The following AFF2 variants were observed in gnomAD, a reference collection of about 807,000 sequenced individuals.
AFF2 encodes ALF transcription elongation factor 2, also known as AF4/FMR2 family member 2.
A neutral mutation model predicts 76.9 loss-of-function variants in AFF2; 14 were observed. That is an observed-to-expected ratio of 0.18 (90% confidence interval 0.12 to 0.28). AFF2 has a LOEUF of 0.28. Among genes scored for constraint, AFF2 ranks in the 10% least tolerant of loss-of-function variants. The pLI is 1.00. For synonymous variants in AFF2, 398 were observed against 366.7 expected, an observed-to-expected ratio of 1.09 and a Z score of -0.98; for missense variants, 868 against 1,001.1, an observed-to-expected ratio of 0.87 and a Z score of 1.79.
chrX:148,560,635 C>T (rs2053101436), intron 1 of AFF2, among the ~76,000 whole-genome samples: 1 of 111,508 alleles, frequency 9.0e-6, no homozygotes, highest in African/African-American at 3.3e-5. Context: ...ATCTATTCAT[C>T]TAACAAACAG....
intron 3 of AFF2, among the ~76,000 whole-genome samples, chrX:148,687,428 A>G (rs1384407433): frequency 2.7e-5 from 3 of 111,877 alleles, no homozygotes; most frequent in Non-Finnish European, 5.6e-5. Flanking sequence ...GTACATATCA[A>G]TGTGTTGATT....
At chrX:148,590,571 A>G (rs1263750304) in intron 1 of AFF2, among the ~76,000 whole-genome samples, 5 of 112,025 alleles carry the variant, frequency 4.5e-5, no homozygotes, top group Non-Finnish European at 9.4e-5. Context: ...ACAAACCCCA[A>G]TGTTGCCTCA....
At chrX:148,925,298 A>G (rs2071638680) in intron 9 of AFF2, among the ~76,000 whole-genome samples, 1 of 112,926 alleles carries the variant, frequency 8.9e-6, no homozygotes, top group African/African-American at 3.2e-5. Flanking sequence ...AATTTTAAAG[A>G]CCAGAAAATA....
chrX:148,801,010 A>G (rs2070051272), intron 3 of AFF2, among the ~76,000 whole-genome samples: 1 of 111,842 alleles, frequency 8.9e-6, no homozygotes, highest in African/African-American at 3.2e-5. Context: ...AGTTAGGCCC[A>G]GGGGAGATCC....
At chrX:148,835,671 G>C (rs1453800657) in intron 4 of AFF2, among the ~76,000 whole-genome samples, 2 of 109,142 alleles carry the variant, frequency 1.8e-5, no homozygotes, top group African/African-American at 3.4e-5. Context: ...TTTTAGTAGA[G>C]ACGGGGTTTC....
intron 19 of AFF2, among the ~76,000 whole-genome samples, chrX:148,982,167 A>G (rs2072403093): frequency 8.9e-6 from 1 of 112,192 alleles, no homozygotes; most frequent in Non-Finnish European, 1.9e-5. Flanking sequence ...GCAAGAACTC[A>G]AACACAACCT....
intron 8 of AFF2, among the ~76,000 whole-genome samples, chrX:148,887,656 C>T (rs1413075072): frequency 2.7e-5 from 3 of 111,686 alleles, no homozygotes; most frequent in Non-Finnish European, 3.8e-5. Context: ...CTCAGATGAT[C>T]AGGATTGGTG....
intron 13 of AFF2, among the ~76,000 whole-genome samples, chrX:148,963,266 T>C (rs1198878157): frequency 8.9e-6 from 1 of 111,973 alleles, no homozygotes; most frequent in African/African-American, 3.3e-5. Flanking sequence ...CCTAGAAATA[T>C]ATCATCCTTC....
At chrX:148,648,674 G>A (rs1297378426) in intron 1 of AFF2, among the ~76,000 whole-genome samples, 1 of 108,780 alleles carries the variant, frequency 9.2e-6, no homozygotes, top group African/African-American at 3.4e-5. Flanking sequence ...AATGGAACTT[G>A]TTCTTCTTTC....
intron 9 of AFF2, among the ~76,000 whole-genome samples, chrX:148,931,611 C>A (rs976531653): frequency 1.6e-4 from 18 of 112,292 alleles, no homozygotes; most frequent in Admixed American, 1.9e-4. Flanking sequence ...AAGACAAAAG[C>A]AAATTACCTT....
chrX:148,695,892 T>G (rs188228013), intron 3 of AFF2, among the ~76,000 whole-genome samples: 2 of 112,311 alleles, frequency 1.8e-5, no homozygotes, highest in East Asian at 2.8e-4. Flanking sequence ...TAACTAAAAC[T>G]AGAGCACTCA....
At chrX:148,501,259 C>G (rs2052345364) in intron 1 of AFF2, 115 bp downstream of exon 1, 1 of 956,056 alleles carries the variant, frequency 1.0e-6, no homozygotes, top group African/African-American at 1.9e-5. Flanking sequence ...CGGACTCCCT[C>G]CCACTTGCTC....
At position 148,993,759 on chromosome X, in the gene AFF2, C is replaced by T. The variant is rs1162393153; in HGVS notation, c.*2427C>T. ...TCTGCAGCACAGTGACCAAATCTGA[C>T]AATCGAGCTCTGGATCACCACTTGA... On this transcript the variant is annotated 3_prime_UTR_variant, in exon 21 of 21. Coordinates refer to ENST00000370460, the MANE Select transcript of AFF2 (RefSeq NM_002025.4). 6 of 112,004 alleles carry T rather than the reference C, an allele frequency of 5.4e-5. No individual in the cohort carries two copies. The highest frequency in any genetic ancestry group is 9.5e-5 in the Admixed American group (1 of 10,554). The allele number at this position is 112,004 out of a possible 1,213,427, so 9.2% of individuals were successfully genotyped here. A position where few individuals can be genotyped will look rare whatever the true frequency, so the allele number is the denominator to read the frequency against.
At position 149,000,209 on chromosome X, in the gene AFF2, CT is replaced by C. The variant is rs1557294050; in HGVS notation, c.*8881del. 8.9e-6 allele frequency: 1 copy of C among 112,347 alleles called. No individual in the cohort carries two copies. Among genetic ancestry groups the C allele is most frequent in the Non-Finnish European group, 1.9e-5 (1 of 53,261 alleles). 9.3% of individuals were successfully genotyped at this position (112,347 alleles called of 1,213,427 possible). ...GAATCCAATTAGTCTTCTGAACCAC[CT>C]TTTCTTGGGTGCAGATTTCCAACAT... On this transcript the variant is annotated 3_prime_UTR_variant, in exon 21 of 21. Coordinates refer to ENST00000370460, the MANE Select transcript of AFF2 (RefSeq NM_002025.4).
intron 7 of AFF2, among the ~76,000 whole-genome samples, chrX:148,850,557 G>A (rs974838593): frequency 1.1e-4 from 12 of 112,153 alleles, no homozygotes; most frequent in African/African-American, 3.9e-4. Context: ...CATATGCTCT[G>A]TATCCCAGAA....
At chrX:148,766,813 C>A (rs2069525317) in intron 3 of AFF2, among the ~76,000 whole-genome samples, 1 of 111,848 alleles carries the variant, frequency 8.9e-6, no homozygotes, top group African/African-American at 3.3e-5. Flanking sequence ...TGACCCTGAT[C>A]ATTGTCAGAT....
At chrX:148,575,924 T>C (rs2053282773) in intron 1 of AFF2, among the ~76,000 whole-genome samples, 1 of 110,013 alleles carries the variant, frequency 9.1e-6, no homozygotes, top group Non-Finnish European at 1.9e-5. Context: ...CTAAATAGCA[T>C]GTGGTGTGTT....
intron 8 of AFF2, among the ~76,000 whole-genome samples, chrX:148,895,429 CA>C (rs1346269010): frequency 9.0e-6 from 1 of 111,486 alleles, no homozygotes; most frequent in Non-Finnish European, 1.9e-5. Context: ...AAGTGACACC[CA>C]CCCACCACCT....
At chrX:148,633,760 A>G (rs1166948366) in intron 1 of AFF2, among the ~76,000 whole-genome samples, 3 of 112,642 alleles carry the variant, frequency 2.7e-5, no homozygotes, top group Non-Finnish European at 5.6e-5. Context: ...TGCAGACACT[A>G]TGTCCTGTTA....
Sources: gnomAD v4.1 joint callset for allele counts (sites outside exome capture counted in the v4.1 genomes callset) on GRCh38, gnomAD v4.1.1 for gene constraint, MANE v1.5 for transcripts, NCBI Gene and HGNC (gene_info 2026-07-23, HGNC 2026-07-21) for gene names.